GALNTL6: variants seen among roughly 807,000 people sequenced by gnomAD.
GALNTL6 encodes the protein polypeptide N-acetylgalactosaminyltransferase-like 6.
Under a neutral mutation model 73.7 loss-of-function variants are expected in GALNTL6, and 46 were observed. The ratio of observed to expected loss-of-function variants is 0.62; its 90% CI spans 0.49 to 0.80. The LOEUF is 0.80. GALNTL6 is among the 30% of genes least tolerant of loss of function. The pLI, the probability that GALNTL6 is intolerant of heterozygous loss-of-function variation, is 0.00. For missense variants in GALNTL6, 604 were observed against 755.0 expected (o/e 0.80, Z 2.34); for synonymous variants, 259 against 263.7 (o/e 0.98, Z 0.17).
intron 5 of GALNTL6, among the ~76,000 whole-genome samples, chr4:172,487,084 G>T (rs1158152806): frequency 6.6e-6 from 1 of 151,974 alleles, no homozygotes; most frequent in Non-Finnish European, 1.5e-5. Context: ...CTCAATCTGG[G>T]CTAAGTAATA....
intron 2 of GALNTL6, among the ~76,000 whole-genome samples, chr4:171,985,969 C>A (rs950759644): frequency 8.0e-6 from 1 of 125,658 alleles, no homozygotes; most frequent in Non-Finnish European, 1.6e-5. Flanking sequence ...ATCCAGGAGG[C>A]GGAGGTTGCA....
intron 7 of GALNTL6, among the ~76,000 whole-genome samples, chr4:172,842,680 C>A (rs1353602450): frequency 1.3e-5 from 2 of 151,124 alleles, no homozygotes; most frequent in African/African-American, 4.9e-5. Context: ...AAGCAGAAGT[C>A]ATTCCTGTAG....
chr4:172,335,091 G>C (rs1741266909), intron 4 of GALNTL6, among the ~76,000 whole-genome samples: 1 of 151,602 alleles, frequency 6.6e-6, no homozygotes, highest in African/African-American at 2.4e-5. Context: ...CACCATACAG[G>C]CACCCGCCAC....
intron 2 of GALNTL6, among the ~76,000 whole-genome samples, chr4:172,024,172 A>G (rs1276870312): frequency 1.3e-5 from 2 of 151,740 alleles, no homozygotes; most frequent in Non-Finnish European, 2.9e-5. Flanking sequence ...TTCTTCCTCT[A>G]TGCTTCCATT....
At chr4:172,238,968 A>G (rs1177424560) in intron 3 of GALNTL6, among the ~76,000 whole-genome samples, 1 of 152,176 alleles carries the variant, frequency 6.6e-6, no homozygotes, top group Non-Finnish European at 1.5e-5. Context: ...ATCATGATGG[A>G]TTAGCATTTT....
chr4:172,537,114 A>G (rs994810887), intron 5 of GALNTL6, among the ~76,000 whole-genome samples: 3 of 152,152 alleles, frequency 2.0e-5, no homozygotes, highest in African/African-American at 7.2e-5. Context: ...GACTTGCCTC[A>G]TCTCAAATGA....
chr4:172,052,930 C>T (rs1438449411), intron 2 of GALNTL6, among the ~76,000 whole-genome samples: 1 of 152,134 alleles, frequency 6.6e-6, no homozygotes, highest in Non-Finnish European at 1.5e-5. Flanking sequence ...TGCCCTTTCT[C>T]TTCAAAACAA....
intron 5 of GALNTL6, among the ~76,000 whole-genome samples, chr4:172,763,011 A>C (rs1738207856): frequency 6.6e-6 from 1 of 152,194 alleles, no homozygotes. Context: ...AGACAAAAAA[A>C]AAAATGAATT....
chr4:171,829,469 C>T (rs962429506), intron 2 of GALNTL6, among the ~76,000 whole-genome samples: 6 of 152,082 alleles, frequency 3.9e-5, no homozygotes, highest in Non-Finnish European at 7.4e-5. Flanking sequence ...CACCCACATC[C>T]AATTGATCAC....
intron 2 of GALNTL6, among the ~76,000 whole-genome samples, chr4:172,009,524 A>T (rs971909597): frequency 2.0e-5 from 3 of 152,132 alleles, no homozygotes; most frequent in African/African-American, 4.8e-5. Flanking sequence ...TGAATCCTTG[A>T]TGATGCTTCT....
chr4:172,771,844 A>G (rs923941798), intron 5 of GALNTL6, among the ~76,000 whole-genome samples: 1 of 152,088 alleles, frequency 6.6e-6, no homozygotes, highest in African/African-American at 2.4e-5. Context: ...GGGAAGAAAG[A>G]TTTCAATCTT....
chr4:172,623,222 G>A lies in GALNTL6; in HGVS notation c.554-186139G>A, dbSNP rs370056703. ...TACTGAGCTATGAAGATAAATACCC[G>A]AAGAATCAACTAAAAAAGTTAAAAA... On this transcript the variant is annotated intron_variant, in intron 5 of 12. Transcript: ENST00000506823. Among the ~76,000 whole-genome samples the A allele has an allele frequency of 8.5e-5, 13 of 152,118 alleles. No individual in the cohort carries two copies. In the South Asian group the frequency reaches 1.0e-3, roughly 12 times the overall value.
chr4:172,311,273 G>A (rs1040087661), intron 3 of GALNTL6, among the ~76,000 whole-genome samples: 1 of 152,080 alleles, frequency 6.6e-6, no homozygotes, highest in Admixed American at 6.6e-5. Context: ...ACTATTGGAA[G>A]TAAATAAAAA....
At chr4:172,767,482 C>T (rs1366391286) in intron 5 of GALNTL6, among the ~76,000 whole-genome samples, 1 of 152,166 alleles carries the variant, frequency 6.6e-6, no homozygotes, top group Non-Finnish European at 1.5e-5. Context: ...CCTTGCACAT[C>T]AACTACCTAT....
At chr4:171,836,073 G>A (rs1440375935) in intron 2 of GALNTL6, among the ~76,000 whole-genome samples, 1 of 151,934 alleles carries the variant, frequency 6.6e-6, no homozygotes, top group African/African-American at 2.4e-5. Flanking sequence ...AATAGTGCTA[G>A]TAATATTAAA....
intron 5 of GALNTL6, among the ~76,000 whole-genome samples, chr4:172,416,162 A>G (rs1287446835): frequency 6.6e-6 from 1 of 152,210 alleles, no homozygotes; most frequent in East Asian, 1.9e-4. Context: ...AGAATCAGAC[A>G]TTTAGAGTGC....
intron 2 of GALNTL6, among the ~76,000 whole-genome samples, chr4:171,908,898 A>G (rs572922260): frequency 1.2e-3 from 188 of 150,554 alleles, no homozygotes; most frequent in African/African-American, 4.3e-3. Context: ...GCAAGAACAA[A>G]AAACCAAACA....
chr4:171,851,347 C>T (rs1339956955), intron 2 of GALNTL6, among the ~76,000 whole-genome samples: 1 of 152,028 alleles, frequency 6.6e-6, no homozygotes, highest in African/African-American at 2.4e-5. Context: ...AAAGATGTGA[C>T]CAATTGCTTT....
chr4:171,948,960 TATACAC>T (rs1018195133), intron 2 of GALNTL6, among the ~76,000 whole-genome samples: 40 of 133,188 alleles, frequency 3.0e-4, no homozygotes, highest in South Asian at 2.3e-4. Context: ...GCCATATATA[TATACAC>T]ACACACACAC....
Sources: allele counts gnomAD v4.1 joint callset (sites outside exome capture counted in the v4.1 genomes callset), GRCh38; gene constraint gnomAD v4.1.1; transcripts MANE v1.5; gene names NCBI Gene and HGNC (gene_info 2026-07-23, HGNC 2026-07-21).